The following ARHGEF3 variants were observed in gnomAD, a reference collection of about 807,000 sequenced individuals.
The protein encoded by ARHGEF3 is Rho guanine nucleotide exchange factor 3.
Under a neutral mutation model 63.2 loss-of-function variants are expected in ARHGEF3, and 28 were observed. The observed-to-expected ratio is 0.44, with a 90% CI of 0.33 to 0.61. The LOEUF (loss-of-function observed/expected upper bound fraction) is 0.61. Ranked by LOEUF, ARHGEF3 falls within the 20% of genes least tolerant of loss-of-function variation. ARHGEF3 has a pLI of 0.03. For missense variants in ARHGEF3, 533 were observed against 659.3 expected (o/e 0.81, Z 2.10); for synonymous variants, 266 against 254.2 (o/e 1.05, Z -0.44).
chr3:56,771,339 A>G (rs1420607653), intron 2 of ARHGEF3, among the ~76,000 whole-genome samples: 1 of 152,138 alleles, frequency 6.6e-6, no homozygotes, highest in Admixed American at 6.5e-5. Flanking sequence ...GAACCCCAGA[A>G]ACAGAAGAAA....
At chr3:56,891,736 A>G (rs1272124135) in intron 3 of ARHGEF3, among the ~76,000 whole-genome samples, 1 of 152,182 alleles carries the variant, frequency 6.6e-6, no homozygotes, top group Admixed American at 6.5e-5. Context: ...CAGTGTGGGT[A>G]AAGAGCTTAG....
chr3:56,978,181 T>C (rs943120064), intron 2 of ARHGEF3, among the ~76,000 whole-genome samples: 3 of 152,250 alleles, frequency 2.0e-5, no homozygotes, highest in African/African-American at 7.2e-5. Flanking sequence ...TTGACAAAGA[T>C]GTCACTGGAC....
chr3:56,831,594 G>A (rs62249811), intron 4 of ARHGEF3, among the ~76,000 whole-genome samples: 12,635 of 152,266 alleles, frequency 0.083, 774 homozygotes, highest in Admixed American at 0.21. Flanking sequence ...TACAAAAGCA[G>A]ACAGTGGGCC....
intron 3 of ARHGEF3, among the ~76,000 whole-genome samples, chr3:56,947,379 A>T (rs1699564877): frequency 6.6e-6 from 1 of 152,190 alleles, no homozygotes; most frequent in Non-Finnish European, 1.5e-5. Context: ...TATTCAGGAA[A>T]CCCATCTCAC....
intron 1 of ARHGEF3, among the ~76,000 whole-genome samples, chr3:57,050,400 A>T (rs1268277015): frequency 6.6e-6 from 1 of 152,262 alleles, no homozygotes; most frequent in African/African-American, 2.4e-5. Flanking sequence ...TCCACCCTGG[A>T]AGGCCAAGGC....
intron 2 of ARHGEF3, among the ~76,000 whole-genome samples, chr3:57,032,645 A>C (rs1703780467): frequency 1.3e-5 from 2 of 152,224 alleles, no homozygotes; most frequent in Non-Finnish European, 2.9e-5. Context: ...TAAATGAGAT[A>C]AACAGGCCAA....
At chr3:57,060,588 G>A (rs1422485433) in intron 1 of ARHGEF3, 1 of 152,182 alleles carries the variant, frequency 6.6e-6, no homozygotes, top group Non-Finnish European at 1.5e-5. Flanking sequence ...TTGTTTGCTG[G>A]GAGTTGAGCT....
chr3:56,895,839 T>C lies in ARHGEF3; in HGVS notation c.130-13485A>G, dbSNP rs756649563. On this transcript the variant is annotated intron_variant, in intron 3 of 12. Coordinates refer to the ARHGEF3 transcript ENST00000338458. ...TTCCTTACAGTTGTTTCTTTCCTAC[T>C]GAGAGACAGGGGCATCTTTAAGGAT... 1.2e-4 allele frequency among the ~76,000 whole-genome samples: 18 copies of C among 152,216 alleles called. 1 individual carries two copies. Among genetic ancestry groups the C allele is most frequent in the Non-Finnish European group, 1.8e-4 (12 of 68,042 alleles).
At chr3:56,995,901 G>A (rs151121096) in intron 2 of ARHGEF3, among the ~76,000 whole-genome samples, 156 of 152,196 alleles carry the variant, frequency 1.0e-3, no homozygotes, top group African/African-American at 3.5e-3. Context: ...TACCAGGACC[G>A]GATAACATAT....
intron 2 of ARHGEF3, among the ~76,000 whole-genome samples, chr3:56,987,224 A>G (rs530824522): frequency 6.6e-6 from 1 of 152,230 alleles, no homozygotes; most frequent in Admixed American, 6.5e-5. Context: ...AAAACAAACA[A>G]ACAAGTAACT....
intron 3 of ARHGEF3, among the ~76,000 whole-genome samples, chr3:56,952,789 A>C (rs1010882047): frequency 6.6e-6 from 1 of 152,208 alleles, no homozygotes; most frequent in Non-Finnish European, 1.5e-5. Context: ...CTAGTAGGGA[A>C]GATTAAAAGG....
intron 2 of ARHGEF3, among the ~76,000 whole-genome samples, chr3:56,769,613 C>G (rs1039940684): frequency 6.6e-6 from 1 of 152,214 alleles, no homozygotes. Flanking sequence ...ACATGTGTGA[C>G]TGGGCTTTTA....
chr3:56,803,418 G>A (rs990895530), upstream of ARHGEF3, among the ~76,000 whole-genome samples: 3 of 150,788 alleles, frequency 2.0e-5, no homozygotes, highest in African/African-American at 7.3e-5. Context: ...CAGCCTGGGT[G>A]ACAGAGACCC....
intron 3 of ARHGEF3, among the ~76,000 whole-genome samples, chr3:56,933,895 C>G (rs2042478876): frequency 1.3e-5 from 2 of 152,136 alleles, no homozygotes; most frequent in African/African-American, 4.8e-5. Context: ...GCAGTTTCCC[C>G]AATGCTATTC....
At chr3:57,028,980 G>GACACACACACACACACACACACACACAC (rs58006138) in intron 2 of ARHGEF3, among the ~76,000 whole-genome samples, 1 of 142,146 alleles carries the variant, frequency 7.0e-6, no homozygotes. Flanking sequence ...TAATGGTGAA[G>GACACACACACACACACACACACACACAC]ACACACACAC....
At chr3:56,742,426 T>C (rs910950631) in intron 7 of ARHGEF3, among the ~76,000 whole-genome samples, 1 of 152,228 alleles carries the variant, frequency 6.6e-6, no homozygotes, top group African/African-American at 2.4e-5. Flanking sequence ...AGGCAAGACC[T>C]CTTTTTAGAT....
At chr3:56,888,293 T>G (rs1004827612) in intron 3 of ARHGEF3, among the ~76,000 whole-genome samples, 4 of 152,214 alleles carry the variant, frequency 2.6e-5, no homozygotes, top group African/African-American at 9.7e-5. Context: ...ATCCATGTAC[T>G]GCCCTGGGCG....
At chr3:56,847,639 G>C (rs955071564) in intron 4 of ARHGEF3, among the ~76,000 whole-genome samples, 2 of 152,120 alleles carry the variant, frequency 1.3e-5, no homozygotes, top group South Asian at 4.1e-4. Flanking sequence ...GTGCAGTGGC[G>C]TGGTCTCGGC....
upstream of ARHGEF3, among the ~76,000 whole-genome samples, chr3:56,802,515 C>T (rs75918259): frequency 6.6e-6 from 1 of 152,096 alleles, no homozygotes; most frequent in African/African-American, 2.4e-5. Flanking sequence ...TTGTTGAGTT[C>T]TGACAAATGT....
Sources: allele counts gnomAD v4.1 joint callset (sites outside exome capture counted in the v4.1 genomes callset), GRCh38; gene constraint gnomAD v4.1.1; transcripts MANE v1.5; gene names NCBI Gene and HGNC (gene_info 2026-07-23, HGNC 2026-07-21).